The following UST variants were observed in gnomAD, a reference collection of about 807,000 sequenced individuals.
The protein encoded by UST is chondroitin sulfate 2-O-sulfotransferase.
A neutral mutation model predicts 45.6 loss-of-function variants in UST; 21 were observed. That is an observed-to-expected ratio of 0.46 (90% CI 0.33 to 0.66). The LOEUF (loss-of-function observed/expected upper bound fraction) is 0.66, where lower values mean the gene tolerates loss of function less well. Ranked by LOEUF, UST falls within the 30% of genes least tolerant of loss-of-function variation. The pLI is 0.02. For missense variants in UST, 463 were observed against 512.4 expected (o/e 0.90, Z 0.93); for synonymous variants, 215 against 200.6 (o/e 1.07, Z -0.61).
intron 1 of UST, among the ~76,000 whole-genome samples, chr6:148,787,120 A>G (rs1406430930): frequency 1.3e-5 from 2 of 152,164 alleles, no homozygotes. Flanking sequence ...TGTGAGATGT[A>G]TAGATTGCAA....
chr6:148,836,185 C>CA (rs1777783479), intron 1 of UST, among the ~76,000 whole-genome samples: 1 of 152,216 alleles, frequency 6.6e-6, no homozygotes, highest in South Asian at 2.1e-4. Context: ...TTAAGCCCTG[C>CA]AGCTACGTGT....
At chr6:148,923,205 T>A (rs1009304004) in intron 2 of UST, among the ~76,000 whole-genome samples, 7 of 152,354 alleles carry the variant, frequency 4.6e-5, no homozygotes, top group African/African-American at 1.7e-4. Flanking sequence ...CATGGGCATT[T>A]CAGTCGTCTC....
chr6:148,786,449 T>C (rs116888491), intron 1 of UST, among the ~76,000 whole-genome samples: 4,559 of 152,300 alleles, frequency 0.03, 98 homozygotes, highest in Non-Finnish European at 0.041. Flanking sequence ...CGATGTGTTC[T>C]CATCATTTAG....
intron 1 of UST, among the ~76,000 whole-genome samples, chr6:148,867,752 C>G (rs1288828392): frequency 6.6e-6 from 1 of 152,152 alleles, no homozygotes; most frequent in Admixed American, 6.5e-5. Flanking sequence ...TATTAAACCT[C>G]TTTTTCTTTA....
intron 4 of UST, among the ~76,000 whole-genome samples, chr6:148,955,202 C>T (rs576102344): frequency 1.3e-5 from 2 of 152,308 alleles, no homozygotes; most frequent in Admixed American, 1.3e-4. Context: ...TAGTGCTGAC[C>T]CAGTGGCTCC....
At chr6:149,071,731 T>C (rs1325326590) in intron 7 of UST, among the ~76,000 whole-genome samples, 2 of 152,176 alleles carry the variant, frequency 1.3e-5, no homozygotes, top group East Asian at 3.8e-4. Flanking sequence ...ACCTGATATA[T>C]GTGCAGATTA....
chr6:148,840,380 A>C (rs1777866014), intron 1 of UST, among the ~76,000 whole-genome samples: 1 of 152,204 alleles, frequency 6.6e-6, no homozygotes, highest in Non-Finnish European at 1.5e-5. Flanking sequence ...TTCAGTTTTC[A>C]GGCTACATTT....
intron 1 of UST, among the ~76,000 whole-genome samples, chr6:148,772,484 A>G (rs529212110): frequency 2.0e-5 from 3 of 150,742 alleles, no homozygotes; most frequent in Non-Finnish European, 4.4e-5. Flanking sequence ...GTGCAGTGGC[A>G]CAATCTTGGC....
intron 2 of UST, among the ~76,000 whole-genome samples, chr6:148,933,324 T>C (rs1779957268): frequency 6.6e-6 from 1 of 152,202 alleles, no homozygotes; most frequent in Admixed American, 6.5e-5. Flanking sequence ...ACTATATACA[T>C]AACAGATAGA....
intron 2 of UST, among the ~76,000 whole-genome samples, chr6:148,923,972 A>G (rs1021366540): frequency 3.9e-5 from 6 of 152,172 alleles, no homozygotes; most frequent in Non-Finnish European, 7.3e-5. Flanking sequence ...TCTGATGACT[A>G]TAGCCCTCTT....
Position 148,774,601 on chromosome 6 carries a change from G to A in UST, c.247+26924G>A, listed in dbSNP as rs140354684. On this transcript the variant is annotated intron_variant, in intron 1 of 7. Coordinates refer to ENST00000367463, the MANE Select transcript of UST (RefSeq NM_005715.3). ...AGAGATCAATACAGTAATTTCAAGCGTGAAGTATAATCTGTTAGAACAAAA... is the reference window on the plus strand; with the variant it reads ...AGAGATCAATACAGTAATTTCAAGCATGAAGTATAATCTGTTAGAACAAAA... Among the ~76,000 whole-genome samples, 29 of 152,250 alleles carry A rather than the reference G, an allele frequency of 1.9e-4. No homozygotes were observed. The East Asian group carries it at 3.9e-3, about 20-fold the overall frequency.
intron 5 of UST, among the ~76,000 whole-genome samples, chr6:148,996,508 C>A (rs1249706762): frequency 1.3e-5 from 2 of 152,212 alleles, no homozygotes; most frequent in East Asian, 3.8e-4. Context: ...CACAAGCCAC[C>A]ACACCTGCCC....
intron 7 of UST, among the ~76,000 whole-genome samples, chr6:149,043,236 A>T (rs1235479240): frequency 6.6e-6 from 1 of 151,218 alleles, no homozygotes; most frequent in East Asian, 2.0e-4. Context: ...TCAGCCTCCC[A>T]AGTAGCTAGG....
At chr6:148,891,849 C>CT (rs1562291287) in intron 2 of UST, among the ~76,000 whole-genome samples, 7 of 152,010 alleles carry the variant, frequency 4.6e-5, no homozygotes, top group Non-Finnish European at 1.0e-4. Flanking sequence ...TGCAGTGAAC[C>CT]TTTTCACATC....
intron 1 of UST, among the ~76,000 whole-genome samples, chr6:148,875,611 C>T (rs1249448613): frequency 2.0e-5 from 3 of 152,328 alleles, no homozygotes; most frequent in African/African-American, 7.2e-5. Flanking sequence ...CAAGACCAGC[C>T]TGGCCAACAT....
intron 2 of UST, among the ~76,000 whole-genome samples, chr6:148,940,062 A>T (rs1243567034): frequency 6.6e-6 from 1 of 152,244 alleles, no homozygotes; most frequent in African/African-American, 2.4e-5. Context: ...CATTTCTCCA[A>T]AGAAAATATA....
At chr6:148,855,090 AGACGTATTCACTATCAC>A (rs1236864882) in intron 1 of UST, among the ~76,000 whole-genome samples, 1 of 152,176 alleles carries the variant, frequency 6.6e-6, no homozygotes, top group Non-Finnish European at 1.5e-5. Flanking sequence ...AGATCTCGCG[AGACGTATTCACTATCAC>A]GAGAACAGCA....
At chr6:148,754,048 G>T (rs575703888) in intron 1 of UST, among the ~76,000 whole-genome samples, 1 of 150,132 alleles carries the variant, frequency 6.7e-6, no homozygotes, top group South Asian at 2.1e-4. Context: ...AGGCTGGAGT[G>T]CAGTGGCGCG....
At chr6:149,002,430 G>C (rs1781568308) in intron 5 of UST, among the ~76,000 whole-genome samples, 1 of 152,120 alleles carries the variant, frequency 6.6e-6, no homozygotes, top group Non-Finnish European at 1.5e-5. Context: ...AGACTGGAGA[G>C]AGTTACCAGT....
Sources: allele counts gnomAD v4.1 joint callset (sites outside exome capture counted in the v4.1 genomes callset), GRCh38; gene constraint gnomAD v4.1.1; transcripts MANE v1.5; gene names NCBI Gene and HGNC (gene_info 2026-07-23, HGNC 2026-07-21).